Variants in PTPRT observed in about 807,000 individuals in gnomAD.
PTPRT encodes the protein receptor-type tyrosine-protein phosphatase T.
A neutral mutation model predicts 176.8 loss-of-function variants in PTPRT; 56 were observed. The ratio of observed to expected loss-of-function variants is 0.32; its 90% CI spans 0.26 to 0.40. PTPRT has a LOEUF of 0.40. PTPRT is among the 10% of genes least tolerant of loss of function. PTPRT has a pLI of 1.00. For synonymous variants in PTPRT, 783 were observed against 739.0 expected (o/e 1.06, Z -0.96); for missense variants, 1,540 against 1,908.2 (o/e 0.81, Z 3.60).
intron 1 of PTPRT, among the ~76,000 whole-genome samples, chr20:43,113,638 T>C (rs564549437): frequency 6.6e-6 from 1 of 152,190 alleles, no homozygotes; most frequent in African/African-American, 2.4e-5. Context: ...AGAAGCCCTG[T>C]CCTTCTGATG....
intron 6 of PTPRT, among the ~76,000 whole-genome samples, chr20:42,702,755 T>C (rs2206433): frequency 0.064 from 9,805 of 152,194 alleles, 1,124 homozygotes; most frequent in African/African-American, 0.23. Flanking sequence ...AGCAAGGTGG[T>C]GTTTATCAAG....
chr20:42,891,604 A>G (rs776620531), intron 1 of PTPRT, among the ~76,000 whole-genome samples: 14 of 152,202 alleles, frequency 9.2e-5, no homozygotes, highest in Admixed American at 2.6e-4. Context: ...GTCAATCAGA[A>G]TTTTTTTAAA....
At chr20:42,736,850 G>A (rs1688661063) in intron 6 of PTPRT, among the ~76,000 whole-genome samples, 1 of 152,060 alleles carries the variant, frequency 6.6e-6, no homozygotes, top group African/African-American at 2.4e-5. Flanking sequence ...CCAGCCCCCA[G>A]CCTCTCAGCC....
rs71335878 is a variant in PTPRT at position 43,094,391 on chromosome 20, CTT to C, written c.88+95253_88+95254del. On this transcript the variant is annotated intron_variant, in intron 1 of 30. Coordinates refer to ENST00000373187, the MANE Select transcript of PTPRT (RefSeq NM_007050.6). ...ATGAGCCACCGCACCCGGCCTCTTT[CTT>C]TTTTTTTTTTTTTTTTTTTTTTCAG... is the stretch of plus-strand genomic sequence containing the variant. Among the ~76,000 whole-genome samples, 419 of 64,634 alleles carry C rather than the reference CTT, an allele frequency of 6.5e-3. 1 individual carries two copies. The highest frequency in any genetic ancestry group is 0.024 in the African/African-American group (375 of 15,628). 42.4% of individuals were successfully genotyped at this position (64,634 alleles called of 152,430 possible). A position where few individuals can be genotyped will look rare whatever the true frequency, so the allele number is the denominator to read the frequency against.
At chr20:42,711,929 G>A (rs1343918882) in intron 6 of PTPRT, among the ~76,000 whole-genome samples, 1 of 151,914 alleles carries the variant, frequency 6.6e-6, no homozygotes. Context: ...AGTTCAGGTG[G>A]CCTGACTCCA....
intron 9 of PTPRT, among the ~76,000 whole-genome samples, chr20:42,410,070 T>C (rs1242679478): frequency 6.6e-6 from 1 of 152,182 alleles, no homozygotes; most frequent in East Asian, 1.9e-4. Context: ...CTATGATGTT[T>C]CATGCAAAAA....
At chr20:42,039,317 C>T in the PTPRT span, among the ~76,000 whole-genome samples, 3 of 152,072 alleles carry the variant, frequency 2.0e-5, no homozygotes, top group South Asian at 6.2e-4. Context: ...TTAACATATG[C>T]ATTAGTTCAC....
chr20:42,844,949 A>G (rs1569187436), intron 2 of PTPRT, among the ~76,000 whole-genome samples: 2 of 152,122 alleles, frequency 1.3e-5, no homozygotes, highest in Non-Finnish European at 2.9e-5. Context: ...CAATGTGACA[A>G]TAGAGTTTGC....
intron 6 of PTPRT, among the ~76,000 whole-genome samples, chr20:42,728,373 G>C (rs2076410566): frequency 1.3e-5 from 2 of 152,300 alleles, no homozygotes; most frequent in African/African-American, 4.8e-5. Flanking sequence ...ACTTTGAGTA[G>C]CAGTGCCTCA....
intron 13 of PTPRT, among the ~76,000 whole-genome samples, chr20:42,264,743 T>A (rs896531373): frequency 1.3e-5 from 2 of 152,228 alleles, no homozygotes; most frequent in East Asian, 3.9e-4. Flanking sequence ...GGAGCTGGGG[T>A]TGCTGTGCTG....
At chr20:42,107,061 T>C in intron 23 of PTPRT, 140 bp from the exon 24 acceptor site, 1 of 1,107,830 alleles carries the variant, frequency 9.0e-7, no homozygotes, top group South Asian at 1.8e-5. Flanking sequence ...TTTCTTAATA[T>C]GTATAGTTTG....
intron 1 of PTPRT, among the ~76,000 whole-genome samples, chr20:42,941,861 A>G (rs1352364064): frequency 6.6e-6 from 1 of 152,202 alleles, no homozygotes; most frequent in Non-Finnish European, 1.5e-5. Flanking sequence ...AATGGATGAG[A>G]GGCAACATGA....
At chr20:42,137,172 A>G (rs1988418582) in intron 18 of PTPRT, among the ~76,000 whole-genome samples, 1 of 152,224 alleles carries the variant, frequency 6.6e-6, no homozygotes, top group African/African-American at 2.4e-5. Flanking sequence ...TTTCTGCACC[A>G]CAAGGCATCT....
chr20:42,694,421 T>C lies in PTPRT; in HGVS notation c.860-16262A>G, dbSNP rs568404722. Among the ~76,000 whole-genome samples the C allele has an allele frequency of 2.6e-5, 4 of 152,354 alleles. No individual in the cohort carries two copies. The South Asian group carries it at 8.3e-4, about 32-fold the overall frequency. Reference sequence around the variant, plus strand: ...ATGTGATATACATATGGGTCTATTGTTGTGTTGAATGTTGTTTAACCATTC... The same window carrying C: ...ATGTGATATACATATGGGTCTATTGCTGTGTTGAATGTTGTTTAACCATTC... On this transcript the variant is annotated intron_variant, in intron 6 of 30. Transcript: ENST00000373187.
At chr20:42,962,425 T>C (rs1181452237) in intron 1 of PTPRT, among the ~76,000 whole-genome samples, 1 of 151,744 alleles carries the variant, frequency 6.6e-6, no homozygotes, top group Non-Finnish European at 1.5e-5. Flanking sequence ...AGATATGTTA[T>C]AGGGATGAAA....
intron 9 of PTPRT, among the ~76,000 whole-genome samples, chr20:42,442,298 C>T (rs2145836113): frequency 6.6e-6 from 1 of 152,264 alleles, no homozygotes; most frequent in African/African-American, 2.4e-5. Flanking sequence ...ATTCCTGGGG[C>T]CCGTGCTTTT....
At chr20:42,120,834 G>A (rs1482036409) in intron 19 of PTPRT, among the ~76,000 whole-genome samples, 1 of 152,204 alleles carries the variant, frequency 6.6e-6, no homozygotes, top group Non-Finnish European at 1.5e-5. Context: ...ATAAATACAT[G>A]AGTGAATAAA....
intron 9 of PTPRT, among the ~76,000 whole-genome samples, chr20:42,355,176 C>A (rs1234069841): frequency 6.6e-6 from 1 of 152,130 alleles, no homozygotes; most frequent in Non-Finnish European, 1.5e-5. Context: ...CATACATTCT[C>A]CAGGCTCCCC....
At chr20:42,953,553 G>A (rs1374063394) in intron 1 of PTPRT, among the ~76,000 whole-genome samples, 1 of 152,166 alleles carries the variant, frequency 6.6e-6, no homozygotes, top group African/African-American at 2.4e-5. Flanking sequence ...GGCGGGGGAA[G>A]TATCTTCTCA....
Sources: allele counts gnomAD v4.1 joint callset (sites outside exome capture counted in the v4.1 genomes callset), GRCh38; gene constraint gnomAD v4.1.1; transcripts MANE v1.5; gene names NCBI Gene and HGNC (gene_info 2026-07-23, HGNC 2026-07-21).